The following ANKRD30BL variants were observed in gnomAD, a reference collection of about 807,000 sequenced individuals.
ANKRD30BL encodes ankyrin repeat domain 30B like, also known as putative ankyrin repeat domain-containing protein 30B-like.
ANKRD30BL carries 20 observed loss-of-function variants against 18.4 expected under a neutral mutation model. The ratio of observed to expected loss-of-function variants is 1.09; its 90% CI spans 0.77 to 1.58. The LOEUF is 1.58. Ranked by LOEUF, ANKRD30BL falls within the 40% of genes most tolerant of loss-of-function variation. The pLI is 0.00. For missense variants in ANKRD30BL, 224 were observed against 268.6 expected (o/e 0.83, Z 1.16); for synonymous variants, 72 against 100.9 (o/e 0.71, Z 1.72).
intron 1 of ANKRD30BL, among the ~76,000 whole-genome samples, chr2:132,221,324 G>A: frequency 2.0e-5 from 3 of 148,172 alleles, no homozygotes; most frequent in Admixed American, 6.6e-5. Flanking sequence ...GGAGGTGGGG[G>A]GGTCAGCCCC....
rs571664801 is a variant in ANKRD30BL, at chr2:132,157,308, C to T, written c.333+1G>A. Reference sequence around the variant, plus strand: ...TGCTGAAAGAACTGGCTACCATTTACCTTCATCAGAATGGTCCTGTTTTCA... The same window carrying T: ...TGCTGAAAGAACTGGCTACCATTTATCTTCATCAGAATGGTCCTGTTTTCA... On this transcript the variant is annotated splice_donor_variant, in intron 2 of 5. Transcript: ENST00000409867. LOFTEE classifies it high-confidence loss of function. The T allele has an allele frequency of 3.0e-5, 23 of 770,916 alleles. No homozygotes were observed. In the South Asian group the frequency reaches 3.1e-4, roughly 10 times the overall value. The allele number at this position is 770,916 out of a possible 1,614,324, so 47.8% of individuals were successfully genotyped here.
upstream of ANKRD30BL, among the ~76,000 whole-genome samples, chr2:132,164,269 C>CTTTTTTTTT (rs796313755): frequency 2.7e-5 from 3 of 112,220 alleles, no homozygotes; most frequent in African/African-American, 6.7e-5. Context: ...TTTTCTTTTT[C>CTTTTTTTTT]TTTTTTTTTT....
At chr2:132,204,843 T>C (rs994554148) in intron 1 of ANKRD30BL, among the ~76,000 whole-genome samples, 29 of 152,190 alleles carry the variant, frequency 1.9e-4, no homozygotes, top group Non-Finnish European at 3.2e-4. Flanking sequence ...TTTATGGCTA[T>C]GTCAAATTTG....
At chr2:132,171,917 T>C (rs1188832955) in intron 1 of ANKRD30BL, among the ~76,000 whole-genome samples, 1 of 152,244 alleles carries the variant, frequency 6.6e-6, no homozygotes, top group Non-Finnish European at 1.5e-5. Context: ...TTATTCTTTC[T>C]GTCTCTATGA....
intron 1 of ANKRD30BL, among the ~76,000 whole-genome samples, chr2:132,242,048 G>A (rs1329013285): frequency 1.3e-5 from 2 of 151,792 alleles, no homozygotes; most frequent in South Asian, 2.1e-4. Flanking sequence ...GTAGACAGAA[G>A]CATTCTCAGA....
At chr2:132,179,645 C>G (rs1024732068) in intron 1 of ANKRD30BL, among the ~76,000 whole-genome samples, 6 of 152,048 alleles carry the variant, frequency 3.9e-5, no homozygotes, top group Non-Finnish European at 5.9e-5. Context: ...GAAAACTGAA[C>G]AGTAGAGCAA....
chr2:132,162,470 A>G (rs1439017625), upstream of ANKRD30BL, among the ~76,000 whole-genome samples: 2 of 152,088 alleles, frequency 1.3e-5, no homozygotes, highest in East Asian at 3.9e-4. Flanking sequence ...TCGCGCTGGC[A>G]GCGCAGGCTT....
chr2:132,155,874 GGT>G (rs1687889258), intron 3 of ANKRD30BL: 1 of 149,606 alleles, frequency 6.7e-6, no homozygotes, highest in South Asian at 2.1e-4. Context: ...ACTCCAGCCT[GGT>G]GACAGAGCGA....
chr2:132,255,549 C>T (rs1359479878), intron 1 of ANKRD30BL, among the ~76,000 whole-genome samples: 7 of 152,074 alleles, frequency 4.6e-5, no homozygotes, highest in Admixed American at 2.0e-4. Context: ...CTTTAATATA[C>T]GCTATTGGAG....
Position 132,153,730 on chromosome 2 carries a change from C to G in ANKRD30BL, c.614+932G>C, listed in dbSNP as rs530482290. On this transcript the variant is annotated intron_variant, in intron 4 of 5. Transcript: ENST00000409867. Reference sequence around the variant, plus strand: ...AAAGAGATAACTTCATTATTAGGAACGAACGAATTTAATATGTGCCTGTCA... The same window carrying G: ...AAAGAGATAACTTCATTATTAGGAAGGAACGAATTTAATATGTGCCTGTCA... 51 of 1,062,356 alleles carry G rather than the reference C, an allele frequency of 4.8e-5. No individual in the cohort carries two copies. In the African/African-American group the frequency reaches 6.7e-4, roughly 14 times the overall value. 65.8% of individuals were successfully genotyped at this position (1,062,356 alleles called of 1,614,324 possible). A position where few individuals can be genotyped will look rare whatever the true frequency, so the allele number is the denominator to read the frequency against.
intron 1 of ANKRD30BL, among the ~76,000 whole-genome samples, chr2:132,196,946 G>A (rs564327119): frequency 1.3e-5 from 2 of 152,312 alleles, no homozygotes; most frequent in East Asian, 3.9e-4. Flanking sequence ...AAGTCAGAAA[G>A]ACCAGTCAAG....
At chr2:132,202,377 A>G (rs1298714712) in intron 1 of ANKRD30BL, among the ~76,000 whole-genome samples, 1 of 152,084 alleles carries the variant, frequency 6.6e-6, no homozygotes, top group African/African-American at 2.4e-5. Flanking sequence ...TATTATTTTA[A>G]CAATTATTAA....
intron 1 of ANKRD30BL, among the ~76,000 whole-genome samples, chr2:132,186,931 C>T (rs1285467093): frequency 1.3e-5 from 2 of 151,866 alleles, no homozygotes; most frequent in Non-Finnish European, 2.9e-5. Flanking sequence ...TGTTCATTTA[C>T]CCAACATTTT....
chr2:132,229,450 A>C (rs1679944021), intron 1 of ANKRD30BL, among the ~76,000 whole-genome samples: 1 of 151,728 alleles, frequency 6.6e-6, no homozygotes, highest in Admixed American at 6.6e-5. Flanking sequence ...AGGTAATATC[A>C]TCACATAAAG....
chr2:132,164,609 C>T (rs1307338079), upstream of ANKRD30BL, among the ~76,000 whole-genome samples: 1 of 151,908 alleles, frequency 6.6e-6, no homozygotes, highest in African/African-American at 2.4e-5. Flanking sequence ...TTCTAAGATG[C>T]TTATGTCAGC....
chr2:132,217,664 G>T (rs1679546218), intron 1 of ANKRD30BL, among the ~76,000 whole-genome samples: 3 of 152,152 alleles, frequency 2.0e-5, no homozygotes, highest in African/African-American at 7.2e-5. Flanking sequence ...GTACATTCAT[G>T]TCACAGAGTT....
intron 1 of ANKRD30BL, among the ~76,000 whole-genome samples, chr2:132,231,876 T>A (rs537401155): frequency 6.6e-6 from 1 of 152,190 alleles, no homozygotes; most frequent in Non-Finnish European, 1.5e-5. Flanking sequence ...AGGCTCCACC[T>A]CTGGGGGAAG....
intron 1 of ANKRD30BL, among the ~76,000 whole-genome samples, chr2:132,180,920 G>T (rs1315597339): frequency 6.6e-6 from 1 of 152,168 alleles, no homozygotes; most frequent in African/African-American, 2.4e-5. Flanking sequence ...GGCTGAGGCA[G>T]GTGGATCATG....
At chr2:132,170,927 C>T (rs1339422139) in intron 1 of ANKRD30BL, among the ~76,000 whole-genome samples, 15 of 152,102 alleles carry the variant, frequency 9.9e-5, no homozygotes, top group Non-Finnish European at 1.5e-4. Context: ...GAGGCCGAGG[C>T]GGGCGGATCA....
Sources: gnomAD v4.1 joint callset for allele counts (sites outside exome capture counted in the v4.1 genomes callset) on GRCh38, gnomAD v4.1.1 for gene constraint, MANE v1.5 for transcripts, NCBI Gene and HGNC (gene_info 2026-07-23, HGNC 2026-07-21) for gene names.